The following TBCCD1 variants were observed in gnomAD, a reference collection of about 807,000 sequenced individuals.
The protein encoded by TBCCD1 is TBCC domain-containing protein 1.
In TBCCD1, 26 loss-of-function variants were observed where a neutral mutation model predicts 53.4. The ratio of observed to expected loss-of-function variants is 0.49; its 90% CI spans 0.36 to 0.68. The LOEUF is 0.68. Ranked by LOEUF, TBCCD1 falls within the 30% of genes least tolerant of loss-of-function variation. The pLI is 0.00. For synonymous variants in TBCCD1, 245 were observed against 241.7 expected (o/e 1.01, Z -0.13); for missense variants, 558 against 669.5 (o/e 0.83, Z 1.84).
chr3:186,547,265 T>A (rs1714241235), intron 7 of TBCCD1, among the ~76,000 whole-genome samples: 1 of 152,044 alleles, frequency 6.6e-6, no homozygotes, highest in Non-Finnish European at 1.5e-5. Context: ...AATTTTTTTT[T>A]TTTTTTTTAA....
At chr3:186,550,159 G>A (rs779255583) in intron 7 of TBCCD1, among the ~76,000 whole-genome samples, 7 of 150,878 alleles carry the variant, frequency 4.6e-5, no homozygotes, top group Non-Finnish European at 1.0e-4. Flanking sequence ...CCGGGGGAGC[G>A]GAGCTTGCAG....
intron 7 of TBCCD1, among the ~76,000 whole-genome samples, chr3:186,548,349 G>T (rs1578962305): frequency 6.6e-6 from 1 of 152,352 alleles, no homozygotes; most frequent in East Asian, 1.9e-4. Context: ...GGACTAAGGG[G>T]AAGAGGAAAT....
At position 186,555,073 on chromosome 3, in the gene TBCCD1, T is replaced by C. The variant is rs773424702; in HGVS notation, c.871A>G (p.Thr291Ala). ...LAWAHQVEGT[T>A]KRAKIACNTH... ...TTACAAGCAATCTTAGCTCTTTTGGTGGTCCCTTCAACTATTTAAGAAAAC... is the reference window on the plus strand; with the variant it reads ...TTACAAGCAATCTTAGCTCTTTTGGCGGTCCCTTCAACTATTTAAGAAAAC... The change falls in exon 5 of 8, where the codon ACC (threonine) becomes GCC (alanine). Residue 291 changes from threonine (T) to alanine (A), a missense_variant. Thr to Ala is a moderately conservative substitution (Grantham distance 58). Transcript: ENST00000338733. 5.6e-6 allele frequency: 9 copies of C among 1,600,706 alleles called. No individual in the cohort carries two copies. Among genetic ancestry groups the C allele is most frequent in the Admixed American group, 5.3e-5 (3 of 57,086 alleles).
rs1299627282 is a variant in TBCCD1 at position 186,546,384 on chromosome 3, G to A, written c.*593C>T. On this transcript the variant is annotated 3_prime_UTR_variant, in exon 8 of 8. Coordinates refer to ENST00000338733, the MANE Select transcript of TBCCD1 (RefSeq NM_018138.5). ...GCTTTAATATTAACATACATACAATGGTACTACCTTCACCAACTTTTTCAT... is the reference window on the plus strand; with the variant it reads ...GCTTTAATATTAACATACATACAATAGTACTACCTTCACCAACTTTTTCAT... 4 of 152,122 alleles carry A rather than the reference G, an allele frequency of 2.6e-5. No homozygotes were observed. The highest frequency in any genetic ancestry group is 9.7e-5 in the African/African-American group (4 of 41,406). 9.4% of individuals were successfully genotyped at this position (152,122 alleles called of 1,614,324 possible).
intron 7 of TBCCD1, among the ~76,000 whole-genome samples, chr3:186,550,485 C>G (rs1714340082): frequency 6.6e-6 from 1 of 151,516 alleles, no homozygotes; most frequent in Non-Finnish European, 1.5e-5. Context: ...ACTCCGGAGA[C>G]TGAGGTGCGA....
rs575789049 is a variant in TBCCD1 at position 186,560,151 on chromosome 3, G to C, written c.337-1579C>G. 1.5e-3 allele frequency among the ~76,000 whole-genome samples: 228 copies of C among 151,998 alleles called. 2 individuals carry two copies. The highest frequency in any genetic ancestry group is 4.2e-3 in the Admixed American group (64 of 15,254). Reference sequence around the variant, plus strand: ...TCTTCATGGAGACTATAGGATCCTTGCCTTTTCCATTTTTATACTCCTAGT... The same window carrying C: ...TCTTCATGGAGACTATAGGATCCTTCCCTTTTCCATTTTTATACTCCTAGT... On this transcript the variant is annotated intron_variant, in intron 2 of 7. Transcript: ENST00000338733.
upstream of TBCCD1, chr3:186,570,517 T>G: frequency 4.1e-6 from 2 of 490,726 alleles, no homozygotes; most frequent in South Asian, 3.6e-5. Context: ...CAGAGCGGGT[T>G]CCTGCAGCGG....
At chr3:186,551,433 C>A (rs1242667953) in intron 6 of TBCCD1, among the ~76,000 whole-genome samples, 154 bp from the exon 7 acceptor site, 1 of 152,170 alleles carries the variant, frequency 6.6e-6, no homozygotes, top group African/African-American at 2.4e-5. Flanking sequence ...ACACTGGACA[C>A]CCCCACCCCA....
chr3:186,550,019 G>A (rs541024949), intron 7 of TBCCD1, among the ~76,000 whole-genome samples: 5 of 152,136 alleles, frequency 3.3e-5, no homozygotes, highest in African/African-American at 1.2e-4. Context: ...AGGAGTTTAG[G>A]AGTTCAAGAT....
chr3:186,549,139 T>C lies in TBCCD1; in HGVS notation c.*21+1990A>G, dbSNP rs142349895. On this transcript the variant is annotated intron_variant, in intron 7 of 7. Transcript: ENST00000338733. ...CTCGTCTCTACTAAAAATACAAAAA[T>C]TAGCCGGGTGCGGTGGCCGGTTCCT... Among the ~76,000 whole-genome samples the C allele has an allele frequency of 1.4e-3, 209 of 151,734 alleles. 1 individual carries two copies. The highest frequency in any genetic ancestry group is 2.2e-3 in the Non-Finnish European group (149 of 67,926).
At chr3:186,550,163 C>T (rs1400314568) in intron 7 of TBCCD1, among the ~76,000 whole-genome samples, 1 of 145,102 alleles carries the variant, frequency 6.9e-6, no homozygotes, top group East Asian at 2.1e-4. Flanking sequence ...GGGAGCGGAG[C>T]TTGCAGTGAA....
At chr3:186,555,732 T>TAC (rs1284524248) in intron 4 of TBCCD1, among the ~76,000 whole-genome samples, 1 of 152,136 alleles carries the variant, frequency 6.6e-6, no homozygotes, top group African/African-American at 2.4e-5. Flanking sequence ...CTAATTTTTG[T>TAC]ATTTTTAGTA....
At chr3:186,555,234 G>GT in intron 4 of TBCCD1, 150 bp from the exon 5 acceptor site, 2 of 648,872 alleles carry the variant, frequency 3.1e-6, no homozygotes, top group Middle Eastern at 4.5e-4. Context: ...TTGGATAGAG[G>GT]TATTTGCTAT....
At chr3:186,554,170 A>T in intron 6 of TBCCD1, 84 bp downstream of exon 6, 1 of 1,567,174 alleles carries the variant, frequency 6.4e-7, no homozygotes, top group Non-Finnish European at 8.6e-7. Context: ...TTACTTTAGC[A>T]CAGCTGTAAA....
chr3:186,563,426 C>A (rs1346817995), intron 2 of TBCCD1, among the ~76,000 whole-genome samples: 1 of 152,092 alleles, frequency 6.6e-6, no homozygotes, highest in Non-Finnish European at 1.5e-5. Context: ...CCATAAGCTC[C>A]ATGAGGGTTG....
At position 186,558,510 on chromosome 3, in the gene TBCCD1, G is replaced by A. The variant is rs780224936; in HGVS notation, c.399C>T (p.Ser133=). The A allele has an allele frequency of 2.5e-6, 4 of 1,614,134 alleles. No individual in the cohort carries two copies. Among genetic ancestry groups the A allele is most frequent in the East Asian group, 2.2e-5 (1 of 44,872 alleles). Residue 133 remains serine, a synonymous_variant, in exon 3 of 8, where the codon TCC becomes TCT. Transcript: ENST00000338733. ...CTTCGCCAATCAAAGATGTCCTTAG[G>A]GAGACCTTGTTCAACTGTTGAATGT... The part of the protein sequence containing the change: ...FLYIQQLNKV[S]LRTSLIGEEW...
At chr3:186,568,555 C>T (rs942792504), upstream of TBCCD1, among the ~76,000 whole-genome samples, 3 of 152,100 alleles carry the variant, frequency 2.0e-5, no homozygotes, top group African/African-American at 7.2e-5. Context: ...AATATAGATT[C>T]ATGCTCTCAT....
At chr3:186,562,180 GA>G (rs1305814045) in intron 2 of TBCCD1, among the ~76,000 whole-genome samples, 1 of 152,048 alleles carries the variant, frequency 6.6e-6, no homozygotes, top group African/African-American at 2.4e-5. Flanking sequence ...TGACCTCTAT[GA>G]AAAAAATACA....
At chr3:186,570,341 G>A, upstream of TBCCD1, 2 of 522,270 alleles carry the variant, frequency 3.8e-6, no homozygotes, top group Admixed American at 3.3e-5. Flanking sequence ...TTGTAGCACA[G>A]AGAAAACTTC....
Sources: gnomAD v4.1 joint callset for allele counts (sites outside exome capture counted in the v4.1 genomes callset) on GRCh38, gnomAD v4.1.1 for gene constraint, MANE v1.5 for transcripts, NCBI Gene and HGNC (gene_info 2026-07-23, HGNC 2026-07-21) for gene names.